The following POMK variants were observed in gnomAD, a reference collection of about 807,000 sequenced individuals.
POMK encodes the protein protein O-mannose kinase, also known as Sugen kinase 196.
Under a neutral mutation model 23.0 loss-of-function variants are expected in POMK, and 19 were observed. The ratio of observed to expected loss-of-function variants is 0.83; its 90% CI spans 0.58 to 1.21. The LOEUF is 1.21. Among genes scored for constraint, POMK ranks in the 50% most tolerant of loss-of-function variants. The pLI is 0.00. For missense variants in POMK, 410 were observed against 431.3 expected (o/e 0.95, Z 0.44); for synonymous variants, 173 against 171.6 (o/e 1.01, Z -0.06).
In POMK at chr8:43,119,462, C is replaced by T. The variant is rs114600630; in HGVS notation, c.283-2645C>T. The stretch of plus-strand genomic sequence containing the variant: ...TTTTTTTTTTTTTTTTTTTTTGAGA[C>T]GAAGTCTCTAACCAGGCTGGTGTGC... On this transcript the variant is annotated intron_variant, in intron 4 of 4. Transcript: ENST00000331373. 5.3e-3 allele frequency among the ~76,000 whole-genome samples: 556 copies of T among 104,450 alleles called. 6 individuals are homozygous for T. The highest frequency in any genetic ancestry group is 0.019 in the African/African-American group (518 of 26,906). The allele number at this position is 104,450 out of a possible 152,430, so 68.5% of individuals were successfully genotyped here. A position where few individuals can be genotyped will look rare whatever the true frequency, so the allele number is the denominator to read the frequency against.
chr8:43,109,945 A>C (rs1390591397), intron 4 of POMK, among the ~76,000 whole-genome samples: 1 of 152,188 alleles, frequency 6.6e-6, no homozygotes, highest in Non-Finnish European at 1.5e-5. Flanking sequence ...TTTTATTCCA[A>C]TTTCCAATTT....
chr8:43,098,431 G>A (rs1811376140), intron 2 of POMK, among the ~76,000 whole-genome samples: 1 of 152,190 alleles, frequency 6.6e-6, no homozygotes, highest in Non-Finnish European at 1.5e-5. Flanking sequence ...GTTCACCCAT[G>A]TTGCAGCATG....
chr8:43,123,022 A>G lies in POMK; in HGVS notation c.*145A>G. On this transcript the variant is annotated 3_prime_UTR_variant, in exon 5 of 5. Transcript: ENST00000331373. ...CATGTGGTTCGTTGTCCACATCCAC[A>G]TGTACGTTTGTATGTAGTCCACATT... The G allele has an allele frequency of 4.4e-6, 3 of 689,554 alleles. No individual in the cohort carries two copies. The highest frequency in any genetic ancestry group is 7.2e-6 in the Non-Finnish European group (3 of 415,216). The allele number at this position is 689,554 out of a possible 1,614,324, so 42.7% of individuals were successfully genotyped here. A position where few individuals can be genotyped will look rare whatever the true frequency, so the allele number is the denominator to read the frequency against.
At chr8:43,113,363 G>A (rs375287771) in intron 4 of POMK, among the ~76,000 whole-genome samples, 2 of 151,190 alleles carry the variant, frequency 1.3e-5, no homozygotes, top group South Asian at 2.1e-4. Flanking sequence ...CTTTCATTTC[G>A]TCTTCCATCA....
At chr8:43,112,430 ACGTCT>A (rs1811693299) in intron 4 of POMK, among the ~76,000 whole-genome samples, 1 of 152,214 alleles carries the variant, frequency 6.6e-6, no homozygotes, top group Non-Finnish European at 1.5e-5. Flanking sequence ...GACCAAATCT[ACGTCT>A]GATTGGTGTA....
intron 4 of POMK, among the ~76,000 whole-genome samples, chr8:43,116,684 T>C (rs538661296): frequency 2.0e-5 from 3 of 152,360 alleles, no homozygotes; most frequent in African/African-American, 7.2e-5. Context: ...ATAAGAAATC[T>C]GCTTATACTG....
Position 43,122,369 on chromosome 8 carries a change from C to T in POMK, c.545C>T (p.Ala182Val), listed in dbSNP as rs1811935914. ...VNTWQHRLEL[A>V]MDYVSIINYL... The stretch of plus-strand genomic sequence containing the variant: ...ACGTGGCAGCACAGGCTGGAGCTGG[C>T]CATGGACTATGTCAGCATCATTAAT... The change falls in exon 5 of 5, where the codon GCC becomes GTC. Residue 182 changes from alanine (A) to valine (V), a missense_variant. Transcript: ENST00000331373. 1.2e-6 allele frequency: 2 copies of T among 1,614,192 alleles called. No individual in the cohort carries two copies. The highest frequency in any genetic ancestry group is 1.7e-6 in the Non-Finnish European group (2 of 1,180,034).
chr8:43,101,313 C>G (rs530636984), intron 2 of POMK, among the ~76,000 whole-genome samples: 1 of 151,096 alleles, frequency 6.6e-6, no homozygotes, highest in Non-Finnish European at 1.5e-5. Flanking sequence ...GTAGTCCCAG[C>G]TACTAAGGAG....
intron 2 of POMK, among the ~76,000 whole-genome samples, chr8:43,098,817 T>C (rs1490015670): frequency 6.6e-6 from 1 of 152,256 alleles, no homozygotes; most frequent in Non-Finnish European, 1.5e-5. Flanking sequence ...AATGCCATCT[T>C]GTCACACTTC....
chr8:43,110,828 TG>T (rs1811639495), intron 4 of POMK, among the ~76,000 whole-genome samples: 1 of 151,946 alleles, frequency 6.6e-6, no homozygotes, highest in Admixed American at 6.6e-5. Context: ...GCAGGAGAAT[TG>T]CTTGAAGCTG....
intron 4 of POMK, among the ~76,000 whole-genome samples, chr8:43,111,669 C>A (rs1483836189): frequency 1.3e-5 from 2 of 152,308 alleles, no homozygotes; most frequent in East Asian, 1.9e-4. Flanking sequence ...GGAGGCACCC[C>A]CCAGTAGGGG....
At chr8:43,112,030 G>A (rs1047698120) in intron 4 of POMK, among the ~76,000 whole-genome samples, 6 of 152,208 alleles carry the variant, frequency 3.9e-5, no homozygotes, top group African/African-American at 7.2e-5. Flanking sequence ...CCAAAGGAAC[G>A]CAGCTCCTCA....
intron 4 of POMK, among the ~76,000 whole-genome samples, chr8:43,109,123 T>C (rs1811599081): frequency 6.6e-6 from 1 of 152,246 alleles, no homozygotes; most frequent in South Asian, 2.1e-4. Flanking sequence ...TTTTTTATTT[T>C]AACTTAGAGC....
chr8:43,107,927 C>G (rs1029461539), intron 4 of POMK, among the ~76,000 whole-genome samples: 2 of 152,200 alleles, frequency 1.3e-5, no homozygotes, highest in Non-Finnish European at 2.9e-5. Flanking sequence ...AGGCAATCCG[C>G]CTGCCTTGGC....
intron 2 of POMK, among the ~76,000 whole-genome samples, chr8:43,102,162 C>T (rs1388611018): frequency 6.6e-6 from 1 of 152,232 alleles, no homozygotes; most frequent in African/African-American, 2.4e-5. Flanking sequence ...GACTTTTCCC[C>T]TAAGCTCCAG....
intron 4 of POMK, among the ~76,000 whole-genome samples, chr8:43,121,747 C>T (rs1259111852): frequency 1.3e-5 from 2 of 152,196 alleles, no homozygotes; most frequent in African/African-American, 4.8e-5. Context: ...ATGGAGTCTT[C>T]CCTCCTGAGC....
At position 43,115,573 on chromosome 8, in the gene POMK, C is replaced by T. The variant is rs1332520716; in HGVS notation, c.283-6534C>T. ...AGAGACCTGGAATTTGACCACTCCT[C>T]AGGCTTGCACCAGGACCCAGCCCAG... On this transcript the variant is annotated intron_variant, in intron 4 of 4. Coordinates refer to ENST00000331373, the MANE Select transcript of POMK (RefSeq NM_032237.5). 2.0e-5 allele frequency among the ~76,000 whole-genome samples: 3 copies of T among 152,196 alleles called. No individual in the cohort carries two copies. In the East Asian group the frequency reaches 5.8e-4, roughly 29 times the overall value.
At chr8:43,105,569 TTATC>T (rs1811528932) in intron 4 of POMK, among the ~76,000 whole-genome samples, 1 of 152,232 alleles carries the variant, frequency 6.6e-6, no homozygotes, top group Non-Finnish European at 1.5e-5. Flanking sequence ...CACATTTTCT[TTATC>T]CATTCATCTG....
intron 4 of POMK, among the ~76,000 whole-genome samples, chr8:43,118,693 G>C (rs960202636): frequency 6.6e-6 from 1 of 152,148 alleles, no homozygotes; most frequent in African/African-American, 2.4e-5. Flanking sequence ...AAGACTAATA[G>C]TATTTCATAA....
Sources: allele counts gnomAD v4.1 joint callset (sites outside exome capture counted in the v4.1 genomes callset), GRCh38; gene constraint gnomAD v4.1.1; transcripts MANE v1.5; gene names NCBI Gene and HGNC (gene_info 2026-07-23, HGNC 2026-07-21).